Variants in HOOK1 observed in about 807,000 individuals in gnomAD.
The protein encoded by HOOK1 is protein Hook homolog 1.
Under a neutral mutation model 112.8 loss-of-function variants are expected in HOOK1, and 60 were observed. That is an observed-to-expected ratio of 0.53 (90% CI 0.43 to 0.66). The LOEUF is 0.66. HOOK1 is among the 30% of genes least tolerant of loss of function. The probability of loss-of-function intolerance (pLI) is 0.00; values close to 1 mark genes in which losing one functional copy is unlikely to be tolerated. For missense variants in HOOK1, 770 were observed against 856.0 expected, an observed-to-expected ratio of 0.90 and a Z score of 1.25; for synonymous variants, 294 against 283.8, an observed-to-expected ratio of 1.04 and a Z score of -0.36.
intron 8 of HOOK1, among the ~76,000 whole-genome samples, chr1:59,841,248 T>C (rs1039982784): frequency 2.0e-5 from 3 of 152,172 alleles, no homozygotes; most frequent in African/African-American, 7.2e-5. Context: ...TAATATGCTG[T>C]ATGTAAATGG....
chr1:59,815,262 T>TG, intron 1 of HOOK1, 82 bp downstream of exon 1: 1 of 1,301,972 alleles, frequency 7.7e-7, no homozygotes, highest in Admixed American at 2.1e-5. Context: ...CCAGGTGAGC[T>TG]GGGGCTACCT....
At chr1:59,865,300 T>TTA in intron 18 of HOOK1, 55 bp downstream of exon 18, 1 of 1,071,534 alleles carries the variant, frequency 9.3e-7, no homozygotes, top group Non-Finnish European at 1.4e-6. Context: ...GACTTACCCT[T>TTA]TTTTATTGAA....
intron 8 of HOOK1, among the ~76,000 whole-genome samples, chr1:59,841,331 T>C (rs2098400918): frequency 6.6e-6 from 1 of 152,062 alleles, no homozygotes; most frequent in Non-Finnish European, 1.5e-5. Flanking sequence ...GGAGCAAAGG[T>C]GTGGTAGCAT....
intron 12 of HOOK1, among the ~76,000 whole-genome samples, chr1:59,850,578 G>A (rs2098406644): frequency 6.6e-6 from 1 of 151,370 alleles, no homozygotes; most frequent in South Asian, 2.1e-4. Context: ...TTTGTATGTT[G>A]ATATCCAGTT....
chr1:59,829,104 A>T (rs1174823584), intron 3 of HOOK1, among the ~76,000 whole-genome samples: 1 of 152,038 alleles, frequency 6.6e-6, no homozygotes, highest in Non-Finnish European at 1.5e-5. Flanking sequence ...GTAGCTATAG[A>T]TCTGTTTTAT....
chr1:59,849,270 C>A, intron 12 of HOOK1, 87 bp downstream of exon 12: 1 of 739,030 alleles, frequency 1.4e-6, no homozygotes, highest in Admixed American at 3.0e-5. Flanking sequence ...GTGGTGATGT[C>A]TACCAGTTCT....
chr1:59,863,529 A>G (rs185221523), intron 16 of HOOK1, among the ~76,000 whole-genome samples: 1 of 152,252 alleles, frequency 6.6e-6, no homozygotes, highest in Admixed American at 6.5e-5. Flanking sequence ...ATCTGACTAT[A>G]CCTAGCAACT....
At chr1:59,822,036 A>G in intron 2 of HOOK1, 93 bp downstream of exon 2, 2 of 950,340 alleles carry the variant, frequency 2.1e-6, no homozygotes, top group Admixed American at 1.9e-5. Context: ...GGTTGTTGCA[A>G]CTTTATCTTA....
Position 59,873,763 on chromosome 1 carries a change from A to ATG in HOOK1, c.*799_*800insGT, listed in dbSNP as rs1644093934. ...TATATATATATATATATATATATAT[A>ATG]TACTTTTTGTGAAATGTCTATATAC... On this transcript the variant is annotated 3_prime_UTR_variant, in exon 22 of 22. Coordinates refer to ENST00000371208, the MANE Select transcript of HOOK1 (RefSeq NM_015888.6). 1 of 140,104 alleles carries ATG rather than the reference A, an allele frequency of 7.1e-6. No homozygotes were observed. The highest frequency in any genetic ancestry group is 2.7e-5 in the African/African-American group (1 of 37,090). 8.7% of individuals were successfully genotyped at this position (140,104 alleles called of 1,614,324 possible).
intron 2 of HOOK1, among the ~76,000 whole-genome samples, chr1:59,823,162 T>C (rs1160612932): frequency 6.6e-6 from 1 of 151,960 alleles, no homozygotes; most frequent in Non-Finnish European, 1.5e-5. Flanking sequence ...CTACTAAAAA[T>C]ACAAAAAATT....
chr1:59,869,634 C>T (rs961438643), intron 20 of HOOK1, among the ~76,000 whole-genome samples: 2 of 152,116 alleles, frequency 1.3e-5, no homozygotes, highest in Non-Finnish European at 2.9e-5. Flanking sequence ...AAGACTTTAA[C>T]ACCCCCTCCT....
Position 59,840,318 on chromosome 1 carries a change from C to A in HOOK1, c.548C>A (p.Ala183Asp). 6.3e-7 allele frequency: 1 copy of A among 1,576,216 alleles called. No individual in the cohort carries two copies. Among genetic ancestry groups the A allele is most frequent in the Non-Finnish European group, 8.6e-7 (1 of 1,163,254 alleles). Residue 183 changes from alanine to aspartate, a missense_variant, in exon 8 of 22, where the codon GCC (alanine) becomes GAC (aspartate). Ala to Asp is a moderately radical substitution (Grantham distance 126). Coordinates refer to ENST00000371208, the MANE Select transcript of HOOK1 (RefSeq NM_015888.6). ...CATTTTGTATTTCAGCTTAAAAGAG[C>A]CTTGGAAGAACTTCAGGAAGCACTA... ...VGELEQQLKR[A>D]LEELQEALAE...
At chr1:59,833,575 T>C in intron 5 of HOOK1, 38 bp downstream of exon 5, 2 of 1,484,954 alleles carry the variant, frequency 1.3e-6, no homozygotes, top group Non-Finnish European at 1.8e-6. Flanking sequence ...TTCTACTTTC[T>C]AGAAACTTTC....
chr1:59,853,455 T>G (rs2098408335), intron 12 of HOOK1, among the ~76,000 whole-genome samples: 1 of 152,056 alleles, frequency 6.6e-6, no homozygotes, highest in Non-Finnish European at 1.5e-5. Flanking sequence ...TTTTTCACCC[T>G]TTTATTTTCA....
rs1455241028 is a variant in HOOK1, at chr1:59,875,323, A to G, written c.*2358A>G. On this transcript the variant is annotated 3_prime_UTR_variant, in exon 22 of 22. Coordinates refer to ENST00000371208, the MANE Select transcript of HOOK1 (RefSeq NM_015888.6). Reference sequence around the variant, plus strand: ...TAGAGAAAAAGGAAATTTCTGATTTATCACTTTTCTAGTTGATAAGTAGGA... The same window carrying G: ...TAGAGAAAAAGGAAATTTCTGATTTGTCACTTTTCTAGTTGATAAGTAGGA... 2.6e-5 allele frequency: 4 copies of G among 152,608 alleles called. No individual in the cohort carries two copies. The highest frequency in any genetic ancestry group is 4.4e-5 in the Non-Finnish European group (3 of 67,982). The allele number at this position is 152,608 out of a possible 1,614,324, so 9.5% of individuals were successfully genotyped here.
At chr1:59,831,505 G>A (rs893659276) in intron 3 of HOOK1, among the ~76,000 whole-genome samples, 1 of 152,142 alleles carries the variant, frequency 6.6e-6, no homozygotes, top group African/African-American at 2.4e-5. Context: ...CATGCAAACT[G>A]GTATTTAGCC....
chr1:59,858,397 A>G, intron 12 of HOOK1, 31 bp from the exon 13 acceptor site: 1 of 1,305,578 alleles, frequency 7.7e-7, no homozygotes, highest in South Asian at 1.2e-5. Flanking sequence ...GCAGAATTAA[A>G]TACTTTGCTG....
intron 8 of HOOK1, among the ~76,000 whole-genome samples, chr1:59,842,316 G>A (rs2098401452): frequency 6.6e-6 from 1 of 152,030 alleles, no homozygotes; most frequent in South Asian, 2.1e-4. Flanking sequence ...GGTCTTGGGG[G>A]CAGAAACTCT....
chr1:59,824,877 A>T (rs1054522129), intron 2 of HOOK1, among the ~76,000 whole-genome samples: 2 of 152,216 alleles, frequency 1.3e-5, no homozygotes, highest in African/African-American at 2.4e-5. Flanking sequence ...TTAGTTTCCT[A>T]GGGCCACTGT....
Sources: gnomAD v4.1 joint callset for allele counts (sites outside exome capture counted in the v4.1 genomes callset) on GRCh38, gnomAD v4.1.1 for gene constraint, MANE v1.5 for transcripts, NCBI Gene and HGNC (gene_info 2026-07-23, HGNC 2026-07-21) for gene names.